Variants in PDLIM5 observed in about 807,000 individuals in gnomAD.
The protein encoded by PDLIM5 is PDZ and LIM domain protein 5.
In PDLIM5, 34 loss-of-function variants were observed where a neutral mutation model predicts 64.2. The ratio of observed to expected loss-of-function variants is 0.53; its 90% CI spans 0.40 to 0.71. The LOEUF (loss-of-function observed/expected upper bound fraction) is 0.71, where lower values mean the gene tolerates loss of function less well. Among genes scored for constraint, PDLIM5 ranks in the 30% least tolerant of loss-of-function variants. The pLI, the probability that PDLIM5 is intolerant of heterozygous loss-of-function variation, is 0.00. For missense variants in PDLIM5, 683 were observed against 733.6 expected, an observed-to-expected ratio of 0.93 and a Z score of 0.80; for synonymous variants, 253 against 269.1, an observed-to-expected ratio of 0.94 and a Z score of 0.59.
chr4:94,476,949 G>C (rs1171576419), intron 2 of PDLIM5, among the ~76,000 whole-genome samples: 1 of 152,162 alleles, frequency 6.6e-6, no homozygotes, highest in Non-Finnish European at 1.5e-5. Context: ...AACATTATCT[G>C]GCAGACTGTG....
intron 3 of PDLIM5, among the ~76,000 whole-genome samples, chr4:94,542,167 C>G (rs1731863701): frequency 6.6e-6 from 1 of 152,030 alleles, no homozygotes; most frequent in Non-Finnish European, 1.5e-5. Context: ...CAAAAATTAG[C>G]CAGGTGTAGT....
intron 2 of PDLIM5, among the ~76,000 whole-genome samples, chr4:94,520,845 A>C (rs564007886): frequency 5.3e-5 from 8 of 152,330 alleles, no homozygotes; most frequent in Admixed American, 5.2e-4. Flanking sequence ...AGGCTGAAAA[A>C]CTGTAAACAA....
intron 3 of PDLIM5, among the ~76,000 whole-genome samples, chr4:94,564,957 G>A (rs942898281): frequency 2.4e-4 from 37 of 152,186 alleles, no homozygotes; most frequent in African/African-American, 8.2e-4. Context: ...CGCCCAGCCC[G>A]TCTGTTTTAT....
At chr4:94,587,239 G>A in intron 7 of PDLIM5, 11 of 1,314,404 alleles carry the variant, frequency 8.4e-6, no homozygotes, top group South Asian at 5.5e-5. Flanking sequence ...AGAAAAGGAA[G>A]ATGAACATGT....
intron 3 of PDLIM5, among the ~76,000 whole-genome samples, chr4:94,569,027 G>C (rs1183660182): frequency 6.6e-6 from 1 of 152,022 alleles, no homozygotes; most frequent in African/African-American, 2.4e-5. Flanking sequence ...CATCTTTGTT[G>C]ATTCTTATTC....
intron 8 of PDLIM5, among the ~76,000 whole-genome samples, chr4:94,631,141 G>C (rs567075491): frequency 6.6e-6 from 1 of 150,380 alleles, no homozygotes; most frequent in African/African-American, 2.4e-5. Context: ...AGCCTCAAGT[G>C]AGCCTCCTAC....
intron 8 of PDLIM5, among the ~76,000 whole-genome samples, chr4:94,629,488 C>G (rs1422123176): frequency 6.6e-6 from 1 of 151,964 alleles, no homozygotes; most frequent in Non-Finnish European, 1.5e-5. Context: ...TATCTCTGAC[C>G]AAATGGAAGT....
chr4:94,465,335 T>A (rs888536508), intron 2 of PDLIM5, among the ~76,000 whole-genome samples: 1 of 152,196 alleles, frequency 6.6e-6, no homozygotes, highest in African/African-American at 2.4e-5. Flanking sequence ...CTGTTCTAGA[T>A]GTTTTGTACA....
At chr4:94,532,891 T>C (rs1005739106) in intron 3 of PDLIM5, among the ~76,000 whole-genome samples, 14 of 152,010 alleles carry the variant, frequency 9.2e-5, no homozygotes, top group African/African-American at 3.4e-4. Flanking sequence ...GTATTCCAGC[T>C]ATTGGGGAGG....
At chr4:94,568,443 T>G (rs1734525246) in intron 3 of PDLIM5, among the ~76,000 whole-genome samples, 1 of 152,234 alleles carries the variant, frequency 6.6e-6, no homozygotes, top group African/African-American at 2.4e-5. Flanking sequence ...TAATGAAATT[T>G]TTTCCATAGT....
chr4:94,629,069 G>T (rs1739928863), intron 8 of PDLIM5, among the ~76,000 whole-genome samples: 3 of 152,066 alleles, frequency 2.0e-5, no homozygotes, highest in Non-Finnish European at 4.4e-5. Flanking sequence ...GAAGATTCTG[G>T]GCCAGGCACA....
chr4:94,540,194 G>A (rs1466811627), intron 3 of PDLIM5, among the ~76,000 whole-genome samples: 2 of 150,060 alleles, frequency 1.3e-5, no homozygotes, highest in Non-Finnish European at 3.0e-5. Flanking sequence ...GCAGTGGCGC[G>A]ATCTCGGCTC....
intron 2 of PDLIM5, among the ~76,000 whole-genome samples, chr4:94,460,411 A>G (rs557955646): frequency 6.6e-6 from 1 of 152,262 alleles, no homozygotes; most frequent in Admixed American, 6.5e-5. Flanking sequence ...TGTTACTGGT[A>G]GGCAGGACTT....
intron 5 of PDLIM5, among the ~76,000 whole-genome samples, chr4:94,581,137 G>C (rs1450254015): frequency 2.6e-5 from 4 of 152,168 alleles, no homozygotes; most frequent in Admixed American, 2.0e-4. Flanking sequence ...ATGGGGGAAA[G>C]TGGGCAGCAC....
Position 94,662,532 on chromosome 4 carries a change from T to C in PDLIM5, c.1696T>C (p.Cys566Arg). 4 of 1,508,148 alleles carry C rather than the reference T, an allele frequency of 2.7e-6. No homozygotes were observed. Among genetic ancestry groups the C allele is most frequent in the Non-Finnish European group, 3.7e-6 (4 of 1,083,160 alleles). 93.4% of individuals were successfully genotyped at this position (1,508,148 alleles called of 1,614,324 possible). ...CACCTGGCATGACACTTGCTTTGTA[T>C]GCTCAGTAAGTAGAGTCTTATTTCC... Reference protein sequence around the residue: ...GYTWHDTCFVCSVCCESLEGQ... With the variant: ...GYTWHDTCFVRSVCCESLEGQ... Residue 566 changes from cysteine to arginine, a missense_variant, in exon 12 of 13, where the codon TGC becomes CGC. Physicochemically the swap from Cys to Arg is radical, Grantham distance 180. Coordinates refer to ENST00000317968, the MANE Select transcript of PDLIM5 (RefSeq NM_006457.5).
At chr4:94,516,913 G>A (rs139528630) in intron 2 of PDLIM5, among the ~76,000 whole-genome samples, 5 of 152,266 alleles carry the variant, frequency 3.3e-5, no homozygotes, top group African/African-American at 1.2e-4. Flanking sequence ...AATAGCATTT[G>A]TAGACTGCTC....
chr4:94,470,894 A>G (rs1724808107), intron 2 of PDLIM5, among the ~76,000 whole-genome samples: 1 of 152,204 alleles, frequency 6.6e-6, no homozygotes, highest in Admixed American at 6.5e-5. Context: ...TAATTGACTC[A>G]CAGTTCCACA....
chr4:94,566,217 A>G lies in PDLIM5; in HGVS notation c.249-7134A>G, dbSNP rs1185670513. On this transcript the variant is annotated intron_variant, in intron 3 of 12. Coordinates refer to ENST00000317968, the MANE Select transcript of PDLIM5 (RefSeq NM_006457.5). ...ACTTTCAAATTTAAGTTTTGGTCAAATTAGCCTATTTGGGCTTCTGTTTCC... is the reference window on the plus strand; with the variant it reads ...ACTTTCAAATTTAAGTTTTGGTCAAGTTAGCCTATTTGGGCTTCTGTTTCC... Among the ~76,000 whole-genome samples, 3 of 152,310 alleles carry G rather than the reference A, an allele frequency of 2.0e-5. No individual in the cohort carries two copies. The East Asian group carries it at 5.8e-4, about 29-fold the overall frequency.
intron 2 of PDLIM5, among the ~76,000 whole-genome samples, chr4:94,480,812 A>G (rs1180612517): frequency 6.6e-6 from 1 of 152,194 alleles, no homozygotes; most frequent in African/African-American, 2.4e-5. Context: ...GATATGAGTG[A>G]GGAGACAGCT....
Sources: allele counts gnomAD v4.1 joint callset (sites outside exome capture counted in the v4.1 genomes callset), GRCh38; gene constraint gnomAD v4.1.1; transcripts MANE v1.5; gene names NCBI Gene and HGNC (gene_info 2026-07-23, HGNC 2026-07-21).